Variants in CDH11 observed in about 807,000 individuals in gnomAD.
CDH11 encodes the protein cadherin-11.
A neutral mutation model predicts 67.8 loss-of-function variants in CDH11; 11 were observed. The ratio of observed to expected loss-of-function variants is 0.16; its 90% CI spans 0.10 to 0.27. The LOEUF (loss-of-function observed/expected upper bound fraction) is 0.27, where lower values mean the gene tolerates loss of function less well. Ranked by LOEUF, CDH11 falls within the 10% of genes least tolerant of loss-of-function variation. The pLI is 1.00. For missense variants in CDH11, 847 were observed against 1,031.2 expected, an observed-to-expected ratio of 0.82 and a Z score of 2.45; for synonymous variants, 419 against 400.0, an observed-to-expected ratio of 1.05 and a Z score of -0.57.
intron 1 of CDH11, among the ~76,000 whole-genome samples, chr16:65,076,555 T>C (rs1337265735): frequency 6.6e-6 from 1 of 152,038 alleles, no homozygotes; most frequent in Non-Finnish European, 1.5e-5. Context: ...ATACTTTAAG[T>C]CCTGGGATAC....
At chr16:65,013,612 C>A (rs1476955669) in intron 2 of CDH11, among the ~76,000 whole-genome samples, 1 of 151,992 alleles carries the variant, frequency 6.6e-6, no homozygotes, top group African/African-American at 2.4e-5. Flanking sequence ...ATCACAGGGT[C>A]AGGAGTTTGA....
chr16:65,000,453 A>C (rs2072891219), intron 3 of CDH11, among the ~76,000 whole-genome samples: 1 of 152,190 alleles, frequency 6.6e-6, no homozygotes, highest in African/African-American at 2.4e-5. Context: ...TACCTACTAA[A>C]TAAGAAAACC....
chr16:64,950,523 C>T (rs2071328760), intron 12 of CDH11, among the ~76,000 whole-genome samples: 2 of 152,146 alleles, frequency 1.3e-5, no homozygotes, highest in African/African-American at 4.8e-5. Context: ...TCATGACCTT[C>T]CCTGTTCTCT....
At chr16:64,991,980 T>C in intron 5 of CDH11, 45 bp from the exon 6 acceptor site, 1 of 1,419,908 alleles carries the variant, frequency 7.0e-7, no homozygotes, top group Non-Finnish European at 9.7e-7. Context: ...GTTTATAACA[T>C]TATGACAACA....
At chr16:65,115,139 A>T (rs961076775) in intron 1 of CDH11, among the ~76,000 whole-genome samples, 1 of 152,168 alleles carries the variant, frequency 6.6e-6, no homozygotes, top group African/African-American at 2.4e-5. Context: ...CCAGTAAGGT[A>T]TTACTGCAGG....
intron 11 of CDH11, among the ~76,000 whole-genome samples, chr16:64,965,059 C>CTAT (rs2071775880): frequency 1.3e-5 from 2 of 151,356 alleles, no homozygotes; most frequent in African/African-American, 4.8e-5. Flanking sequence ...ATTTTTTAAC[C>CTAT]TTTTAAATAT....
rs1247515987 is a variant in CDH11, at chr16:65,091,238, G to T, written c.-298+30642C>A. Among the ~76,000 whole-genome samples the T allele has an allele frequency of 3.9e-5, 6 of 152,216 alleles. No homozygotes were observed. In the East Asian group the frequency reaches 1.2e-3, roughly 29 times the overall value. ...TTATTTAAGAAATCTCCTTTTGTTA[G>T]ATATTTAAGTTTTGATTTTTGCCAT... On this transcript the variant is annotated intron_variant, in intron 1 of 12. Transcript: ENST00000268603.
intron 2 of CDH11, among the ~76,000 whole-genome samples, chr16:65,030,550 G>A (rs1179314624): frequency 6.6e-6 from 1 of 152,142 alleles, no homozygotes; most frequent in African/African-American, 2.4e-5. Context: ...GATCACACTT[G>A]GGGAACTGTG....
chr16:65,077,972 G>A (rs965796971), intron 1 of CDH11, among the ~76,000 whole-genome samples: 6 of 152,122 alleles, frequency 3.9e-5, no homozygotes, highest in African/African-American at 1.2e-4. Flanking sequence ...ATACAGAGAC[G>A]GGTAAGTTTT....
At chr16:65,065,653 T>A (rs1331370330) in intron 1 of CDH11, among the ~76,000 whole-genome samples, 1 of 152,116 alleles carries the variant, frequency 6.6e-6, no homozygotes, top group African/African-American at 2.4e-5. Context: ...AAGATAATTA[T>A]TGGGCTGCTT....
rs201159992 is a variant in CDH11 at position 64,971,587 on chromosome 16, T to A, written c.1634A>T (p.Asp545Val). 6.2e-7 allele frequency: 1 copy of A among 1,607,686 alleles called. No homozygotes were observed. Among genetic ancestry groups the A allele is most frequent in the African/African-American group, 1.3e-5 (1 of 74,812 alleles). ...GGAACCTTAGTACAAACCTCGGTTG[T>A]CTCTGACTGTGAAATTTGGATTGTG... is the stretch of plus-strand genomic sequence containing the variant. Reference protein sequence around the residue: ...IIHNPNFTVRDNRDNTAGVYA... With the variant: ...IIHNPNFTVRVNRDNTAGVYA... Residue 545 changes from aspartate (D) to valine (V), a missense_variant, in exon 11 of 13, where the codon GAC (aspartate) becomes GTC (valine). This residue lies in a region of CDH11 where 612 missense variants were observed against 678.7 expected (regional missense o/e 0.90). Coordinates refer to ENST00000268603, the MANE Select transcript of CDH11 (RefSeq NM_001797.4).
intron 1 of CDH11, among the ~76,000 whole-genome samples, chr16:65,100,913 C>A (rs1031337144): frequency 6.6e-6 from 1 of 151,992 alleles, no homozygotes; most frequent in Non-Finnish European, 1.5e-5. Flanking sequence ...CAATTCCATG[C>A]CCTCTATAGC....
chr16:65,023,433 T>C (rs2073467445), intron 2 of CDH11, among the ~76,000 whole-genome samples: 1 of 152,124 alleles, frequency 6.6e-6, no homozygotes, highest in Non-Finnish European at 1.5e-5. Flanking sequence ...AATCCCAAAA[T>C]TGAGGTTCAG....
chr16:64,977,597 G>T (rs2142443997), intron 8 of CDH11, among the ~76,000 whole-genome samples: 1 of 152,278 alleles, frequency 6.6e-6, no homozygotes, highest in Middle Eastern at 3.4e-3. Context: ...ATATCTTTCT[G>T]CACAAAGAGA....
At chr16:64,972,776 T>C (rs929850979) in intron 9 of CDH11, 128 bp downstream of exon 9, 2 of 879,048 alleles carry the variant, frequency 2.3e-6, no homozygotes, top group Admixed American at 4.7e-5. Context: ...AAACACATTT[T>C]AAAGACTGAA....
intron 1 of CDH11, among the ~76,000 whole-genome samples, chr16:65,103,556 T>C (rs766900087): frequency 3.1e-4 from 47 of 152,132 alleles, no homozygotes; most frequent in Admixed American, 1.2e-3. Context: ...GTCTGAAAAA[T>C]AGGGATGGTA....
intron 1 of CDH11, among the ~76,000 whole-genome samples, chr16:65,079,682 TG>T (rs2074576974): frequency 6.6e-6 from 1 of 152,222 alleles, no homozygotes; most frequent in South Asian, 2.1e-4. Context: ...GCAGAGTGTG[TG>T]CCCCAGTCAC....
chr16:65,046,288 G>A (rs373304850), intron 2 of CDH11, among the ~76,000 whole-genome samples: 2 of 152,152 alleles, frequency 1.3e-5, no homozygotes, highest in African/African-American at 4.8e-5. Context: ...TACCACCCTG[G>A]ACCACAGGGC....
intron 1 of CDH11, among the ~76,000 whole-genome samples, chr16:65,107,702 C>A (rs1052781288): frequency 1.3e-5 from 2 of 152,196 alleles, no homozygotes; most frequent in Non-Finnish European, 2.9e-5. Flanking sequence ...TCTGCTCGGG[C>A]AAAGCAAACC....
Sources: allele counts gnomAD v4.1 joint callset (sites outside exome capture counted in the v4.1 genomes callset), GRCh38; gene constraint gnomAD v4.1.1; regional missense constraint gnomAD v4.1.1; transcripts MANE v1.5; gene names NCBI Gene and HGNC (gene_info 2026-07-23, HGNC 2026-07-21).